Variants in SZT2 observed in about 807,000 individuals in gnomAD.
The protein encoded by SZT2 is KICSTOR complex protein SZT2.
SZT2 carries 216 observed loss-of-function variants against 404.2 expected under a neutral mutation model. The observed-to-expected ratio is 0.53, with a 90% CI of 0.48 to 0.60. The LOEUF (loss-of-function observed/expected upper bound fraction) is 0.60. Ranked by LOEUF, SZT2 falls within the 20% of genes least tolerant of loss-of-function variation. The pLI is 0.00. For synonymous variants in SZT2, 1,693 were observed against 1,749.9 expected, an observed-to-expected ratio of 0.97 and a Z score of 0.81; for missense variants, 3,857 against 4,459.2, an observed-to-expected ratio of 0.86 and a Z score of 3.85.
At chr1:43,449,631 G>C in intron 70 of SZT2, 1 of 204,640 alleles carries the variant, frequency 4.9e-6, no homozygotes, top group Non-Finnish European at 1.0e-5. Context: ...AGGGATTCGA[G>C]CTCAGGAGAG....
chr1:43,433,610 C>T (rs903317382), intron 40 of SZT2, among the ~76,000 whole-genome samples: 1 of 152,120 alleles, frequency 6.6e-6, no homozygotes, highest in Non-Finnish European at 1.5e-5. Context: ...GGTGAAACCC[C>T]GTCTCCATTA....
intron 7 of SZT2, among the ~76,000 whole-genome samples, chr1:43,418,305 G>C (rs193062983): frequency 6.6e-6 from 1 of 152,188 alleles, no homozygotes; most frequent in African/African-American, 2.4e-5. Context: ...TAGTGAAGAA[G>C]AGTTTGAAAA....
chr1:43,442,035 C>G lies in SZT2; in HGVS notation c.7778C>G (p.Pro2593Arg), dbSNP rs747832852. 1 of 1,614,064 alleles carries G rather than the reference C, an allele frequency of 6.2e-7. No individual in the cohort carries two copies. The highest frequency in any genetic ancestry group is 8.5e-7 in the Non-Finnish European group (1 of 1,179,986). ...CCAGAGATCTTCGGCCCTTGTTCCC[C>G]TGGGCAACTGGGCCCCTCTCCCCGC... is the stretch of plus-strand genomic sequence containing the variant. ...SEPEIFGPCSPGQLGPSPRPA... is the reference protein window; with the variant it reads ...SEPEIFGPCSRGQLGPSPRPA... Residue 2593 changes from proline to arginine, a missense_variant, in exon 56 of 72, where the codon CCT becomes CGT. Transcript: ENST00000634258. The surrounding 1 kb of genome is among the most constrained non-coding windows in gnomAD (Gnocchi z 4.5).
intron 4 of SZT2, among the ~76,000 whole-genome samples, chr1:43,411,648 A>G (rs1002467570): frequency 1.3e-5 from 2 of 152,222 alleles, no homozygotes; most frequent in Non-Finnish European, 2.9e-5. Context: ...GAGCTCCAGC[A>G]CTGTCCACAC....
In SZT2 at chr1:43,426,666, CCT is replaced by C. The variant is rs1222467047; in HGVS notation, c.3215-44_3215-43del. On this transcript the variant is annotated intron_variant, in intron 22 of 71. Coordinates refer to ENST00000634258, the MANE Select transcript of SZT2 (RefSeq NM_001365999.1). This position sits in a 1 kb window ranked among gnomAD's most constrained non-coding sequence, Gnocchi z 4.9. Reference sequence around the variant, plus strand: ...CCCCTTTCTTCAACCCAGAGTCCCGCCTCTCTGCTGGCCCTGCCCTCTTTCAC... The same window carrying C: ...CCCCTTTCTTCAACCCAGAGTCCCGCCTCTGCTGGCCCTGCCCTCTTTCAC... 1.9e-6 allele frequency: 3 copies of C among 1,539,182 alleles called. No individual in the cohort carries two copies. Among genetic ancestry groups the C allele is most frequent in the Non-Finnish European group, 2.6e-6 (3 of 1,134,164 alleles).
Position 43,453,556 on chromosome 1 carries a change from AC to A in SZT2, c.*3082del, listed in dbSNP as rs778868639. ...GACACTCCCCTGCCCGCGCCCCGGC[AC>A]CCCCCAGCCCTCCCAGCCCTCCCGG... On this transcript the variant is annotated 3_prime_UTR_variant, in exon 72 of 72. Transcript: ENST00000634258. The A allele has an allele frequency of 6.3e-5, 95 of 1,510,982 alleles. No individual in the cohort carries two copies. Among genetic ancestry groups the A allele is most frequent in the Non-Finnish European group, 8.3e-5 (93 of 1,125,460 alleles). The allele number at this position is 1,510,982 out of a possible 1,614,324, so 93.6% of individuals were successfully genotyped here.
chr1:43,440,729 T>C (rs1191939503), intron 52 of SZT2, 143 bp downstream of exon 52: 2 of 1,183,266 alleles, frequency 1.7e-6, no homozygotes, highest in African/African-American at 3.1e-5. Context: ...CCAGACACCA[T>C]GGCGTGTACC....
In SZT2 at chr1:43,437,786, T is replaced by G; in HGVS notation, c.6397-5T>G. ...CCGGGGCCCTGACCACAGTTTTCCCTGTAGGGTCCTCGTTCTCCCTTAGAC... is the reference window on the plus strand; with the variant it reads ...CCGGGGCCCTGACCACAGTTTTCCCGGTAGGGTCCTCGTTCTCCCTTAGAC... On this transcript the variant is annotated splice_region_variant and splice_polypyrimidine_tract_variant and intron_variant, in intron 45 of 71. Transcript: ENST00000634258. This position sits in a 1 kb window ranked among gnomAD's most constrained non-coding sequence, Gnocchi z 5.3. The G allele has an allele frequency of 2.5e-6, 4 of 1,614,186 alleles. No individual in the cohort carries two copies. The highest frequency in any genetic ancestry group is 3.4e-6 in the Non-Finnish European group (4 of 1,180,026).
Position 43,421,239 on chromosome 1 carries a change from C to G in SZT2, c.1562C>G (p.Thr521Arg), listed in dbSNP as rs746892849. ...TTCTCCTCAGTGCCTGAGCATTTCACGCTTCCTGACAGCACCAAGAGCGGA... is the reference window on the plus strand; with the variant it reads ...TTCTCCTCAGTGCCTGAGCATTTCAGGCTTCCTGACAGCACCAAGAGCGGA... The part of the protein sequence containing the change: ...QSFSSVPEHF[T>R]LPDSTKSGVP... Residue 521 changes from threonine (T) to arginine (R), a missense_variant, in exon 11 of 72, where the codon ACG becomes AGG. This residue lies in a region of SZT2 where 39 missense variants were observed against 89.7 expected (regional missense o/e 0.43). Transcript: ENST00000634258. 1.3e-6 allele frequency: 2 copies of G among 1,598,592 alleles called. No homozygotes were observed. Among genetic ancestry groups the G allele is most frequent in the Non-Finnish European group, 1.7e-6 (2 of 1,179,810 alleles).
Position 43,404,563 on chromosome 1 carries a change from C to G in SZT2, c.498+13C>G, listed in dbSNP as rs1204571793. The G allele has an allele frequency of 6.2e-7, 1 of 1,610,440 alleles. No homozygotes were observed. Among genetic ancestry groups the G allele is most frequent in the Admixed American group, 1.7e-5 (1 of 59,864 alleles). On this transcript the variant is annotated intron_variant, in intron 4 of 71. Transcript: ENST00000634258. ...GCAGTCCCACCAGGTATTGCATCAT[C>G]TCTCCAAGTTTGTACCCTCAGACCA...
intron 1 of SZT2, among the ~76,000 whole-genome samples, chr1:43,397,550 TG>T (rs1649150351): frequency 6.6e-6 from 1 of 150,784 alleles, no homozygotes; most frequent in Non-Finnish European, 1.5e-5. Context: ...GAGAGATGGA[TG>T]GAGTCTTGCT....
In SZT2 at chr1:43,453,435, C is replaced by T. The variant is rs754897289; in HGVS notation, c.*2955C>T. 2.6e-6 allele frequency: 4 copies of T among 1,563,144 alleles called. No homozygotes were observed. The highest frequency in any genetic ancestry group is 3.5e-6 in the Non-Finnish European group (4 of 1,152,746). On this transcript the variant is annotated 3_prime_UTR_variant, in exon 72 of 72. Coordinates refer to ENST00000634258, the MANE Select transcript of SZT2 (RefSeq NM_001365999.1). ...TACCGCACGGCCTGCTCCAGTCCCTCTCGGAAGGCCGCCTGTCTCCCGGGG... is the reference window on the plus strand; with the variant it reads ...TACCGCACGGCCTGCTCCAGTCCCTTTCGGAAGGCCGCCTGTCTCCCGGGG...
intron 4 of SZT2, among the ~76,000 whole-genome samples, chr1:43,412,973 C>A (rs1651251905): frequency 6.6e-6 from 1 of 152,140 alleles, no homozygotes. Context: ...CATTTCACCC[C>A]AGTTAAAATG....
At position 43,453,921 on chromosome 1, in the gene SZT2, G is replaced by C. The variant is rs1656758834; in HGVS notation, c.*3441G>C. ...AACGAACGAGCACTGTTCGTGGTTA[G>C]AAAAGCGAAGTGCTGTAAAAACCCG... On this transcript the variant is annotated 3_prime_UTR_variant, in exon 72 of 72. Coordinates refer to ENST00000634258, the MANE Select transcript of SZT2 (RefSeq NM_001365999.1). 1.7e-6 allele frequency: 2 copies of C among 1,207,778 alleles called. No homozygotes were observed. Among genetic ancestry groups the C allele is most frequent in the Non-Finnish European group, 1.0e-6 (1 of 972,822 alleles). 74.8% of individuals were successfully genotyped at this position (1,207,778 alleles called of 1,614,324 possible).
Position 43,437,650 on chromosome 1 carries a change from T to A in SZT2, c.6346T>A (p.Ser2116Thr), listed in dbSNP as rs1358306355. 6.2e-7 allele frequency: 1 copy of A among 1,613,842 alleles called. No homozygotes were observed. The highest frequency in any genetic ancestry group is 8.5e-7 in the Non-Finnish European group (1 of 1,179,992). Residue 2116 changes from serine (S) to threonine (T), a missense_variant, in exon 45 of 72, where the codon TCC becomes ACC. Transcript: ENST00000634258. The surrounding 1 kb of genome is among the most constrained non-coding windows in gnomAD (Gnocchi z 5.3). ...ATGGAAAGGGGATGCGCTGCCCCCT[T>A]CCCTCGCTCTGTCCCGAAGCCAAGA... is the stretch of plus-strand genomic sequence containing the variant. ...RPWKGDALPP[S>T]LALSRSQEPI... is the part of the protein sequence containing the mutation.
Position 43,453,057 on chromosome 1 carries a change from C to G in SZT2, c.*2577C>G. The stretch of plus-strand genomic sequence containing the variant: ...TGTAAGCAGCTTTCTCTGATCCAGA[C>G]AGGGTTAGGTGCCTACCCTGCTCCC... On this transcript the variant is annotated 3_prime_UTR_variant, in exon 72 of 72. Transcript: ENST00000634258. 1.7e-6 allele frequency: 2 copies of G among 1,145,432 alleles called. No individual in the cohort carries two copies. Among genetic ancestry groups the G allele is most frequent in the Non-Finnish European group, 1.3e-6 (1 of 772,216 alleles). The allele number at this position is 1,145,432 out of a possible 1,614,324, so 71.0% of individuals were successfully genotyped here.
intron 70 of SZT2, chr1:43,449,290 C>G (rs1656085755): frequency 6.2e-6 from 1 of 161,800 alleles, no homozygotes; most frequent in Non-Finnish European, 1.4e-5. Flanking sequence ...CAGAGATGGG[C>G]CCAGCCAGAG....
chr1:43,415,069 A>T lies in SZT2; in HGVS notation c.499-13A>T, dbSNP rs1440269198. On this transcript the variant is annotated splice_polypyrimidine_tract_variant and intron_variant, in intron 4 of 71. Transcript: ENST00000634258. ...TGACCGTCCTGTCTCAGTCTTTCCC[A>T]TGTGCTTCTTAGGTGCTGGTACAGG... 6.3e-7 allele frequency: 1 copy of T among 1,597,094 alleles called. No individual in the cohort carries two copies. Among genetic ancestry groups the T allele is most frequent in the South Asian group, 1.1e-5 (1 of 90,970 alleles).
At chr1:43,449,878 T>G in intron 70 of SZT2, 1 of 613,776 alleles carries the variant, frequency 1.6e-6, no homozygotes, top group Non-Finnish European at 2.9e-6. Context: ...GCCTCCAGGA[T>G]CAACTGTTAC....
Sources: allele counts gnomAD v4.1 joint callset (sites outside exome capture counted in the v4.1 genomes callset), GRCh38; gene constraint gnomAD v4.1.1; regional missense constraint gnomAD v4.1.1; non-coding constraint Gnocchi (gnomAD v3.1); transcripts MANE v1.5; gene names NCBI Gene and HGNC (gene_info 2026-07-23, HGNC 2026-07-21).